FRMD3: variants seen among roughly 807,000 people sequenced by gnomAD.
FRMD3 encodes the protein FERM domain containing 3, also known as FERM domain-containing protein 3.
In FRMD3, 33 loss-of-function variants were observed where a neutral mutation model predicts 70.2. That is an observed-to-expected ratio of 0.47 (90% CI 0.36 to 0.63). The LOEUF is 0.63. Ranked by LOEUF, FRMD3 falls within the 20% of genes least tolerant of loss-of-function variation. The probability of loss-of-function intolerance (pLI) is 0.00; values close to 1 mark genes in which losing one functional copy is unlikely to be tolerated. For synonymous variants in FRMD3, 279 were observed against 255.9 expected (o/e 1.09, Z -0.86); for missense variants, 632 against 711.4 (o/e 0.89, Z 1.27).
intron 1 of FRMD3, among the ~76,000 whole-genome samples, chr9:83,409,993 A>T (rs879667023): frequency 6.6e-6 from 1 of 152,210 alleles, no homozygotes; most frequent in Non-Finnish European, 1.5e-5. Flanking sequence ...CATTTCTACC[A>T]GCAGCCTTTC....
chr9:83,257,923 C>A (rs965659181), intron 13 of FRMD3, among the ~76,000 whole-genome samples: 3 of 152,152 alleles, frequency 2.0e-5, no homozygotes, highest in African/African-American at 4.8e-5. Context: ...AGAAAACACT[C>A]AATAATGTTA....
chr9:83,291,916 T>A (rs1834435172), intron 12 of FRMD3, among the ~76,000 whole-genome samples: 1 of 152,194 alleles, frequency 6.6e-6, no homozygotes, highest in Non-Finnish European at 1.5e-5. Flanking sequence ...GCAAGATGCC[T>A]GCTACCATCT....
intron 4 of FRMD3, among the ~76,000 whole-genome samples, chr9:83,344,341 A>ACAATTGAGACTTGTGAG (rs1823878081): frequency 8.1e-6 from 1 of 123,526 alleles, no homozygotes; most frequent in Non-Finnish European, 1.7e-5. Context: ...AATCAGTCCC[A>ACAATTGAGACTTGTGAG]GTTATCACCT....
At chr9:83,282,854 T>A (rs1834022986) in intron 13 of FRMD3, among the ~76,000 whole-genome samples, 1 of 152,336 alleles carries the variant, frequency 6.6e-6, no homozygotes, top group Middle Eastern at 3.4e-3. Context: ...TGATGCACAC[T>A]ATTGGTGTCT....
intron 6 of FRMD3, among the ~76,000 whole-genome samples, chr9:83,324,007 T>C (rs1032023772): frequency 2.0e-5 from 3 of 152,212 alleles, no homozygotes. Flanking sequence ...ATAGTAACTC[T>C]GTCTGCAATA....
chr9:83,323,481 C>T (rs925523710), intron 6 of FRMD3, among the ~76,000 whole-genome samples: 3 of 152,170 alleles, frequency 2.0e-5, no homozygotes, highest in African/African-American at 7.2e-5. Context: ...AGAGGTGAGG[C>T]TTTTAAGAGG....
At chr9:83,509,329 A>AGATTCAATAT (rs1408717570) in intron 1 of FRMD3, among the ~76,000 whole-genome samples, 1 of 152,246 alleles carries the variant, frequency 6.6e-6, no homozygotes, top group Non-Finnish European at 1.5e-5. Flanking sequence ...AATATGGGTT[A>AGATTCAATAT]GGTTTAAATT....
chr9:83,424,343 C>G (rs1032689684), intron 1 of FRMD3, among the ~76,000 whole-genome samples: 2 of 152,198 alleles, frequency 1.3e-5, no homozygotes, highest in Non-Finnish European at 2.9e-5. Context: ...CACCCTTACA[C>G]TATGTGGTTT....
intron 1 of FRMD3, among the ~76,000 whole-genome samples, chr9:83,500,991 G>C (rs1486194977): frequency 1.3e-5 from 2 of 152,182 alleles, no homozygotes; most frequent in East Asian, 3.8e-4. Context: ...CATAATATAT[G>C]CGAAATACAT....
the FRMD3 span, among the ~76,000 whole-genome samples, chr9:83,567,614 C>G: frequency 6.6e-6 from 1 of 152,114 alleles, no homozygotes; most frequent in Non-Finnish European, 1.5e-5. Context: ...TGCTTTGTTG[C>G]TTAGAAATTT....
intron 13 of FRMD3, among the ~76,000 whole-genome samples, chr9:83,250,119 AAAC>A (rs1832330965): frequency 6.6e-6 from 1 of 152,194 alleles, no homozygotes; most frequent in Admixed American, 6.5e-5. Flanking sequence ...CTGACTGGGC[AAAC>A]AACTCAACCC....
chr9:83,377,281 G>A (rs765231460), intron 2 of FRMD3, among the ~76,000 whole-genome samples: 28 of 152,082 alleles, frequency 1.8e-4, no homozygotes, highest in East Asian at 3.8e-4. Context: ...GTAAAGATCC[G>A]AAATGATACA....
At chr9:83,509,138 G>GT (rs199552802) in intron 1 of FRMD3, among the ~76,000 whole-genome samples, 2,081 of 152,212 alleles carry the variant, frequency 0.014, 56 homozygotes, top group African/African-American at 0.048. Context: ...ATTTCTGTGT[G>GT]TTTTTTCCGT....
At chr9:83,272,276 G>GTT (rs1182632667) in intron 13 of FRMD3, among the ~76,000 whole-genome samples, 15 of 146,132 alleles carry the variant, frequency 1.0e-4, no homozygotes, top group African/African-American at 3.7e-4. Context: ...ACTGGTTTTC[G>GTT]TTTTTTTTTT....
At chr9:83,411,517 G>A (rs915901780) in intron 1 of FRMD3, among the ~76,000 whole-genome samples, 1 of 152,218 alleles carries the variant, frequency 6.6e-6, no homozygotes, top group African/African-American at 2.4e-5. Flanking sequence ...GAAGAAAGAA[G>A]GGAGGAGGTC....
intron 1 of FRMD3, among the ~76,000 whole-genome samples, chr9:83,427,468 G>C (rs574437253): frequency 3.0e-4 from 45 of 152,268 alleles, no homozygotes; most frequent in African/African-American, 1.1e-3. Flanking sequence ...CATTCTTGAT[G>C]TGCTAGTCTT....
intron 13 of FRMD3, among the ~76,000 whole-genome samples, chr9:83,256,813 G>C (rs1307338846): frequency 6.6e-6 from 1 of 151,938 alleles, no homozygotes; most frequent in Non-Finnish European, 1.5e-5. Flanking sequence ...ACCACAATGA[G>C]ATATGAGATA....
intron 13 of FRMD3, among the ~76,000 whole-genome samples, chr9:83,261,795 T>C (rs1023127897): frequency 3.3e-5 from 5 of 152,206 alleles, no homozygotes; most frequent in African/African-American, 9.6e-5. Flanking sequence ...AGGTTAAAAA[T>C]CCAAACTCTG....
At chr9:83,568,951 G>GATACATAC in the FRMD3 span, among the ~76,000 whole-genome samples, 10,097 of 113,806 alleles carry the variant, frequency 0.089, 449 homozygotes, top group South Asian at 0.12. Context: ...TAGATAGATA[G>GATACATAC]ATAGATACAT....
Sources: allele counts gnomAD v4.1 joint callset (sites outside exome capture counted in the v4.1 genomes callset), GRCh38; gene constraint gnomAD v4.1.1; transcripts MANE v1.5; gene names NCBI Gene and HGNC (gene_info 2026-07-23, HGNC 2026-07-21).